Variants in SPATA2 observed in about 807,000 individuals in gnomAD.
SPATA2 encodes spermatogenesis-associated protein 2.
In SPATA2, 8 loss-of-function variants were observed where a neutral mutation model predicts 35.4. The ratio of observed to expected loss-of-function variants is 0.23; its 90% CI spans 0.13 to 0.41. The LOEUF (loss-of-function observed/expected upper bound fraction) is 0.41, where lower values mean the gene tolerates loss of function less well. SPATA2 is among the 10% of genes least tolerant of loss of function. The pLI is 1.00. For synonymous variants in SPATA2, 293 were observed against 300.9 expected (o/e 0.97, Z 0.27); for missense variants, 650 against 698.7 (o/e 0.93, Z 0.79).
chr20:49,914,137 T>A (rs1422282191), intron 1 of SPATA2, among the ~76,000 whole-genome samples: 1 of 151,978 alleles, frequency 6.6e-6, no homozygotes, highest in East Asian at 1.9e-4. Flanking sequence ...CAGCACCTCC[T>A]GCACCCACAA....
chr20:49,910,144 C>G (rs2090174907), intron 1 of SPATA2, among the ~76,000 whole-genome samples: 1 of 152,206 alleles, frequency 6.6e-6, no homozygotes, highest in Non-Finnish European at 1.5e-5. Context: ...AGGGACACTG[C>G]CAGGGCCAGG....
chr20:49,908,209 C>T lies in SPATA2; in HGVS notation c.282G>A (p.Thr94=), dbSNP rs1337436751. ...GGTAGAGGAAGAGGTTGATGCCCAC[C>T]GTCTCCAGCATGCTGAAGGCGCCGT... ...ALHGAFSMLE[T]VGINLFLYPW... Residue 94 remains threonine, a synonymous_variant, in exon 2 of 3, where the codon ACG becomes ACA. Transcript: ENST00000289431. 1.4e-5 allele frequency: 23 copies of T among 1,613,506 alleles called. No homozygotes were observed. The highest frequency in any genetic ancestry group is 1.7e-5 in the Admixed American group (1 of 60,000).
intron 1 of SPATA2, among the ~76,000 whole-genome samples, chr20:49,909,031 CT>C (rs1424000523): frequency 2.0e-5 from 3 of 151,436 alleles, no homozygotes; most frequent in Admixed American, 6.6e-5. Flanking sequence ...AACTCGCTTA[CT>C]TTTTTTTTGA....
rs1283890486 is a variant in SPATA2 at position 49,906,148 on chromosome 20, G to T, written c.1034C>A (p.Ala345Asp). ...VDLYTDSEPR[A>D]TYRRQDALRP... The stretch of plus-strand genomic sequence containing the variant: ...CAGAGCATCCTGCCGACGGTAGGTG[G>T]CCCTGGGTTCAGAGTCTGTGTACAG... Residue 345 changes from alanine (A) to aspartate (D), a missense_variant, in exon 3 of 3, where the codon GCC (alanine) becomes GAC (aspartate). Transcript: ENST00000289431. This position sits in a 1 kb window ranked among gnomAD's most constrained non-coding sequence, Gnocchi z 8.2. The T allele has an allele frequency of 6.2e-7, 1 of 1,608,494 alleles. No homozygotes were observed. Among genetic ancestry groups the T allele is most frequent in the Admixed American group, 1.7e-5 (1 of 59,778 alleles).
At position 49,903,869 on chromosome 20, in the gene SPATA2, C is replaced by A. The variant is rs1239746848; in HGVS notation, c.*1750G>T. ...GTTGGTTGAAATTCAGCTTAATATA[C>A]ACACTGTACATCTACATGTGATCTA... On this transcript the variant is annotated 3_prime_UTR_variant, in exon 3 of 3. Coordinates refer to ENST00000289431, the MANE Select transcript of SPATA2 (RefSeq NM_006038.4). 1 of 142,880 alleles carries A rather than the reference C, an allele frequency of 7.0e-6. No homozygotes were observed. Among genetic ancestry groups the A allele is most frequent in the African/African-American group, 2.7e-5 (1 of 37,642 alleles). The allele number at this position is 142,880 out of a possible 1,614,324, so 8.9% of individuals were successfully genotyped here. A position where few individuals can be genotyped will look rare whatever the true frequency, so the allele number is the denominator to read the frequency against.
rs576182546 is a variant in SPATA2, at chr20:49,905,789, G to A, written c.1393C>T (p.Arg465Cys). The A allele has an allele frequency of 5.6e-6, 9 of 1,614,064 alleles. No individual in the cohort carries two copies. In the African/African-American group the frequency reaches 6.7e-5, roughly 12 times the overall value. The change falls in exon 3 of 3, where the codon CGC (arginine) becomes TGC (cysteine). Residue 465 changes from arginine (R) to cysteine (C), a missense_variant. Transcript: ENST00000289431. ...GTGCAGGTGTTGGTGGCGCCTGGGCGGTTGCAGAAGCCACAGCGGGAAGTG... is the reference window on the plus strand; with the variant it reads ...GTGCAGGTGTTGGTGGCGCCTGGGCAGTTGCAGAAGCCACAGCGGGAAGTG... ...TPTSRCGFCN[R>C]PGATNTCTQC...
rs747025490 is a variant in SPATA2, at chr20:49,908,388, G to A, written c.103C>T (p.Arg35Trp). ...CGCAGGCACTCATCGCTGCCAGGCCGCTGCCTGCTGGTGGTGGTATCCACT... is the reference window on the plus strand; with the variant it reads ...CGCAGGCACTCATCGCTGCCAGGCCACTGCCTGCTGGTGGTGGTATCCACT... ...SKVDTTTSRQ[R>W]PGSDECLRVA... The change falls in exon 2 of 3, where the codon CGG becomes TGG. Residue 35 changes from arginine to tryptophan, a missense_variant. Arg to Trp is a moderately radical substitution (Grantham distance 101). Coordinates refer to ENST00000289431, the MANE Select transcript of SPATA2 (RefSeq NM_006038.4). 2.2e-5 allele frequency: 36 copies of A among 1,614,018 alleles called. No individual in the cohort carries two copies. Among genetic ancestry groups the A allele is most frequent in the South Asian group, 6.6e-5 (6 of 91,086 alleles).
Position 49,905,699 on chromosome 20 carries a change from T to C in SPATA2, c.1483A>G (p.Lys495Glu). The C allele has an allele frequency of 6.2e-7, 1 of 1,614,232 alleles. No individual in the cohort carries two copies. The highest frequency in any genetic ancestry group is 8.5e-7 in the Non-Finnish European group (1 of 1,180,028). ...GGCATGAACTTGTGCAGCTCACTCT[T>C]TTTGTAGCAGGGGTCATAATGGTAA... ...SAYHYDPCYK[K>E]SELHKFMPNN... Residue 495 changes from lysine to glutamate, a missense_variant, in exon 3 of 3, where the codon AAG becomes GAG. Coordinates refer to ENST00000289431, the MANE Select transcript of SPATA2 (RefSeq NM_006038.4).
At position 49,914,569 on chromosome 20, in the gene SPATA2, G is replaced by A. The variant is rs2090198860; in HGVS notation, c.-103+811C>T. 2.6e-5 allele frequency among the ~76,000 whole-genome samples: 4 copies of A among 152,116 alleles called. No individual in the cohort carries two copies. The South Asian group carries it at 6.2e-4, about 24-fold the overall frequency. On this transcript the variant is annotated intron_variant, in intron 1 of 2. Transcript: ENST00000289431. Reference sequence around the variant, plus strand: ...AGAAACATCCAAGGCACCTTCCACTGGCTGTGAAACACCAGAAGGTCCCCA... The same window carrying A: ...AGAAACATCCAAGGCACCTTCCACTAGCTGTGAAACACCAGAAGGTCCCCA...
At chr20:49,911,768 T>C (rs1375604757) in intron 1 of SPATA2, among the ~76,000 whole-genome samples, 1 of 152,130 alleles carries the variant, frequency 6.6e-6, no homozygotes, top group Non-Finnish European at 1.5e-5. Context: ...TTCTCATTGG[T>C]ACCTCCCAAG....
intron 2 of SPATA2, among the ~76,000 whole-genome samples, chr20:49,907,751 A>C (rs636987): frequency 0.43 from 64,640 of 150,492 alleles, 15,792 homozygotes; most frequent in East Asian, 0.79. Context: ...GCTTGCTGGG[A>C]CCGCTGAGAA....
At chr20:49,911,903 C>T (rs2090184060) in intron 1 of SPATA2, among the ~76,000 whole-genome samples, 1 of 152,028 alleles carries the variant, frequency 6.6e-6, no homozygotes, top group Non-Finnish European at 1.5e-5. Flanking sequence ...TGACTTGGAA[C>T]CTGTATTCCT....
At chr20:49,913,186 A>G (rs956369920) in intron 1 of SPATA2, among the ~76,000 whole-genome samples, 2 of 152,186 alleles carry the variant, frequency 1.3e-5, no homozygotes, top group African/African-American at 4.8e-5. Flanking sequence ...TGGGCTTCCC[A>G]CTTTACCTAC....
chr20:49,905,414 T>C lies in SPATA2; in HGVS notation c.*205A>G. The C allele has an allele frequency of 3.4e-6, 2 of 590,768 alleles. No homozygotes were observed. Among genetic ancestry groups the C allele is most frequent in the Non-Finnish European group, 6.0e-6 (2 of 332,924 alleles). The allele number at this position is 590,768 out of a possible 1,614,324, so 36.6% of individuals were successfully genotyped here. ...CTGAACGGAAGTGCCACCTTCTCCC[T>C]TGTCAGACAACAAAGCAGCCATTGG... On this transcript the variant is annotated 3_prime_UTR_variant, in exon 3 of 3. Transcript: ENST00000289431.
chr20:49,908,672 A>G (rs1216298189), intron 1 of SPATA2, 80 bp from the exon 2 acceptor site: 5 of 598,352 alleles, frequency 8.4e-6, no homozygotes, highest in African/African-American at 5.6e-5. Flanking sequence ...CAAAATGAAC[A>G]GCAGAACTGG....
At position 49,904,171 on chromosome 20, in the gene SPATA2, G is replaced by A. The variant is rs917058263; in HGVS notation, c.*1448C>T. On this transcript the variant is annotated 3_prime_UTR_variant, in exon 3 of 3. Coordinates refer to ENST00000289431, the MANE Select transcript of SPATA2 (RefSeq NM_006038.4). ...AAATATAGTTAGTTCACAAGGAAGC[G>A]GCTTTATTTTCAAACTCTTGCCCCA... 4 of 152,238 alleles carry A rather than the reference G, an allele frequency of 2.6e-5. No homozygotes were observed. Among genetic ancestry groups the A allele is most frequent in the African/African-American group, 7.3e-5 (3 of 41,276 alleles). The allele number at this position is 152,238 out of a possible 1,614,324, so 9.4% of individuals were successfully genotyped here.
At chr20:49,909,577 G>C (rs1041880109) in intron 1 of SPATA2, among the ~76,000 whole-genome samples, 1 of 150,620 alleles carries the variant, frequency 6.6e-6, no homozygotes, top group Non-Finnish European at 1.5e-5. Flanking sequence ...AAAAGAAACT[G>C]TCCAAGGTTA....
At chr20:49,908,077 G>T in intron 2 of SPATA2, 78 bp downstream of exon 2, 1 of 1,377,522 alleles carries the variant, frequency 7.3e-7, no homozygotes, top group African/African-American at 1.4e-5. Context: ...GATCAGACTG[G>T]CATAGCCTCT....
At position 49,904,934 on chromosome 20, in the gene SPATA2, G is replaced by T. The variant is rs1198088597; in HGVS notation, c.*685C>A. On this transcript the variant is annotated 3_prime_UTR_variant, in exon 3 of 3. Coordinates refer to ENST00000289431, the MANE Select transcript of SPATA2 (RefSeq NM_006038.4). ...AAAGGGGGAAGTCAGTCCTGCTGTG[G>T]GAAGCCCACACATCAGTGTGTTGGA... 6.5e-6 allele frequency: 1 copy of T among 152,822 alleles called. No individual in the cohort carries two copies. Among genetic ancestry groups the T allele is most frequent in the East Asian group, 1.9e-4 (1 of 5,200 alleles). 9.5% of individuals were successfully genotyped at this position (152,822 alleles called of 1,614,324 possible). A position where few individuals can be genotyped will look rare whatever the true frequency, so the allele number is the denominator to read the frequency against.
Sources: allele counts gnomAD v4.1 joint callset (sites outside exome capture counted in the v4.1 genomes callset), GRCh38; gene constraint gnomAD v4.1.1; non-coding constraint Gnocchi (gnomAD v3.1); transcripts MANE v1.5; gene names NCBI Gene and HGNC (gene_info 2026-07-23, HGNC 2026-07-21).